Variants in CELF4 observed in about 807,000 individuals in gnomAD.
CELF4 encodes the protein CUGBP Elav-like family member 4.
Under a neutral mutation model 59.9 loss-of-function variants are expected in CELF4, and 18 were observed. The observed-to-expected ratio is 0.30, with a 90% CI of 0.21 to 0.45. The LOEUF (loss-of-function observed/expected upper bound fraction) is 0.45, where lower values mean the gene tolerates loss of function less well. Among genes scored for constraint, CELF4 ranks in the 20% least tolerant of loss-of-function variants. The pLI, the probability that CELF4 is intolerant of heterozygous loss-of-function variation, is 1.00. For missense variants in CELF4, 456 were observed against 689.0 expected (o/e 0.66, Z 3.79); for synonymous variants, 261 against 267.1 (o/e 0.98, Z 0.22).
chr18:37,390,800 G>T (rs2099150741), intron 2 of CELF4, among the ~76,000 whole-genome samples: 1 of 99,018 alleles, frequency 1.0e-5, no homozygotes, highest in Non-Finnish European at 2.1e-5. Context: ...GTGGTGATGG[G>T]GCGGGGAGGG....
At chr18:37,390,808 G>T (rs534753923) in intron 2 of CELF4, among the ~76,000 whole-genome samples, 6 of 34,472 alleles carry the variant, frequency 1.7e-4, no homozygotes, top group East Asian at 1.8e-3. Context: ...GGGGCGGGGA[G>T]GGGGGGCAGT....
chr18:37,518,229 G>C (rs1001529344), intron 1 of CELF4, among the ~76,000 whole-genome samples: 3 of 152,160 alleles, frequency 2.0e-5, no homozygotes, highest in African/African-American at 7.2e-5. Context: ...TGGTGGGCGG[G>C]CAAGCGTAAT....
chr18:37,289,964 A>G (rs1435037496), intron 3 of CELF4, among the ~76,000 whole-genome samples: 1 of 152,212 alleles, frequency 6.6e-6, no homozygotes, highest in African/African-American at 2.4e-5. Context: ...ATTTTGCCAG[A>G]AAGTGTCCTT....
intron 2 of CELF4, among the ~76,000 whole-genome samples, chr18:37,388,331 G>A (rs1206636460): frequency 6.6e-6 from 1 of 152,020 alleles, no homozygotes; most frequent in Non-Finnish European, 1.5e-5. Flanking sequence ...GCCTCTGACT[G>A]CACTCTGACG....
intron 2 of CELF4, among the ~76,000 whole-genome samples, chr18:37,477,241 C>T (rs918154336): frequency 6.6e-6 from 1 of 152,172 alleles, no homozygotes; most frequent in Non-Finnish European, 1.5e-5. Context: ...CAGCCTGGGC[C>T]CCAAGGGCAG....
At chr18:37,555,574 T>C (rs2090302686) in intron 1 of CELF4, among the ~76,000 whole-genome samples, 1 of 152,184 alleles carries the variant, frequency 6.6e-6, no homozygotes, top group Non-Finnish European at 1.5e-5. Flanking sequence ...CGGCTATTGC[T>C]GTGGAGTCCT....
chr18:37,478,047 A>C (rs2099855290), intron 2 of CELF4, among the ~76,000 whole-genome samples: 3 of 152,162 alleles, frequency 2.0e-5, no homozygotes, highest in Non-Finnish European at 4.4e-5. Flanking sequence ...ACGCTTTATT[A>C]TACTTGTCAC....
intron 11 of CELF4, among the ~76,000 whole-genome samples, chr18:37,257,307 C>T (rs1405317472): frequency 6.6e-6 from 1 of 152,184 alleles, no homozygotes; most frequent in African/African-American, 2.4e-5. Flanking sequence ...ATTTATGTAA[C>T]ATTTGGGACT....
chr18:37,535,675 G>A (rs900994694), intron 1 of CELF4, among the ~76,000 whole-genome samples: 2 of 152,172 alleles, frequency 1.3e-5, no homozygotes, highest in African/African-American at 2.4e-5. Context: ...AAGCAGCCAC[G>A]TTCTGAACAC....
At chr18:37,562,675 TA>T (rs1239803250) in intron 1 of CELF4, among the ~76,000 whole-genome samples, 2 of 152,220 alleles carry the variant, frequency 1.3e-5, no homozygotes, top group Non-Finnish European at 2.9e-5. Context: ...AGTAATTTTT[TA>T]AGGTGGCCGG....
At chr18:37,381,395 T>C (rs2099039294) in intron 2 of CELF4, among the ~76,000 whole-genome samples, 2 of 152,108 alleles carry the variant, frequency 1.3e-5, no homozygotes, top group Non-Finnish European at 1.5e-5. Context: ...CTGCTTGACT[T>C]AGGCCCCCTG....
At chr18:37,250,175 C>A (rs184723342) in intron 12 of CELF4, among the ~76,000 whole-genome samples, 1 of 152,308 alleles carries the variant, frequency 6.6e-6, no homozygotes, top group East Asian at 1.9e-4. Context: ...CATGTTTTTG[C>A]CTACTCTTCC....
At chr18:37,257,556 T>C (rs1246231590) in intron 11 of CELF4, among the ~76,000 whole-genome samples, 1 of 152,138 alleles carries the variant, frequency 6.6e-6, no homozygotes, top group Non-Finnish European at 1.5e-5. Flanking sequence ...TTGACTACTT[T>C]GGGGAACATG....
At chr18:37,435,380 G>A (rs1418191543) in intron 2 of CELF4, among the ~76,000 whole-genome samples, 1 of 152,170 alleles carries the variant, frequency 6.6e-6, no homozygotes, top group Non-Finnish European at 1.5e-5. Flanking sequence ...TGTCTTGGGT[G>A]TGTCTGACAT....
chr18:37,485,667 G>T (rs1279778899), intron 1 of CELF4, 60 bp from the exon 2 acceptor site: 66 of 1,133,050 alleles, frequency 5.8e-5, no homozygotes, highest in East Asian at 9.6e-5. Flanking sequence ...CCGCCGACGC[G>T]CCCTGCCGCC....
At chr18:37,419,716 C>A (rs1045375507) in intron 2 of CELF4, among the ~76,000 whole-genome samples, 1 of 152,154 alleles carries the variant, frequency 6.6e-6, no homozygotes, top group South Asian at 2.1e-4. Flanking sequence ...CCTCCGGTAC[C>A]CAAAGTAGAG....
chr18:37,288,504 G>A (rs945223505), intron 3 of CELF4, among the ~76,000 whole-genome samples: 2 of 152,216 alleles, frequency 1.3e-5, no homozygotes, highest in African/African-American at 2.4e-5. Context: ...ATGAGGAAAC[G>A]AAGGCACAGA....
intron 2 of CELF4, among the ~76,000 whole-genome samples, chr18:37,345,345 C>A (rs583037): frequency 2.0e-5 from 3 of 151,862 alleles, no homozygotes; most frequent in East Asian, 3.9e-4. Flanking sequence ...GGGAGAGAGA[C>A]GAAGTGGAGA....
At chr18:37,404,009 G>T (rs2099357306) in intron 2 of CELF4, among the ~76,000 whole-genome samples, 1 of 152,204 alleles carries the variant, frequency 6.6e-6, no homozygotes, top group South Asian at 2.1e-4. Flanking sequence ...GGCACTCAGG[G>T]TGCTTTACAG....
Sources: allele counts gnomAD v4.1 joint callset (sites outside exome capture counted in the v4.1 genomes callset), GRCh38; gene constraint gnomAD v4.1.1; transcripts MANE v1.5; gene names NCBI Gene and HGNC (gene_info 2026-07-23, HGNC 2026-07-21).